The following MVB12A variants were observed in gnomAD, a reference collection of about 807,000 sequenced individuals.
The protein encoded by MVB12A is CIN85/CD2AP family binding protein.
In MVB12A, 30 loss-of-function variants were observed where a neutral mutation model predicts 34.3. The observed-to-expected ratio is 0.88, with a 90% confidence interval of 0.65 to 1.19. The LOEUF (loss-of-function observed/expected upper bound fraction) is 1.19. Among genes scored for constraint, MVB12A ranks in the 50% most tolerant of loss-of-function variants. The probability of loss-of-function intolerance (pLI) is 0.00; values close to 1 mark genes in which losing one functional copy is unlikely to be tolerated. For missense variants in MVB12A, 355 were observed against 369.2 expected (o/e 0.96, Z 0.31); for synonymous variants, 158 against 158.9 (o/e 0.99, Z 0.04).
intron 2 of MVB12A, chr19:17,414,936 C>T (rs2074789752): frequency 6.6e-6 from 1 of 152,142 alleles, no homozygotes; most frequent in Non-Finnish European, 1.5e-5. Context: ...CCCTTGTAAT[C>T]CCAGCACTTT....
chr19:17,418,382 T>TTAG (rs2074815212), upstream of MVB12A: 1 of 141,006 alleles, frequency 7.1e-6, no homozygotes, highest in Non-Finnish European at 1.5e-5. Context: ...AAGCATATTA[T>TTAG]TATTATTATT....
chr19:17,422,476 T>G lies in MVB12A; in HGVS notation c.413+18T>G. On this transcript the variant is annotated intron_variant, in intron 4 of 8. Coordinates refer to ENST00000317040, the MANE Select transcript of MVB12A (RefSeq NM_138401.4). ...CGAATAGGGTAGGGCCACCCCCCAG[T>G]GTCTAGCCACCTTCCCTGCCCTCCC... The G allele has an allele frequency of 6.3e-7, 1 of 1,595,476 alleles. No homozygotes were observed. The highest frequency in any genetic ancestry group is 8.6e-7 in the Non-Finnish European group (1 of 1,168,782).
chr19:17,425,112 T>C lies in MVB12A; in HGVS notation c.*119T>C. 1.6e-6 allele frequency: 1 copy of C among 642,876 alleles called. No homozygotes were observed. Among genetic ancestry groups the C allele is most frequent in the Non-Finnish European group, 2.8e-6 (1 of 362,868 alleles). The allele number at this position is 642,876 out of a possible 1,614,324, so 39.8% of individuals were successfully genotyped here. On this transcript the variant is annotated 3_prime_UTR_variant, in exon 9 of 9. Transcript: ENST00000317040. ...CACTGCATCCTGGGAACCTTCGCCCTGCAAGGCGTTTGCTATCTTCAGCCA... is the reference window on the plus strand; with the variant it reads ...CACTGCATCCTGGGAACCTTCGCCCCGCAAGGCGTTTGCTATCTTCAGCCA...
At chr19:17,409,853 G>A (rs2074753288) in intron 2 of MVB12A, among the ~76,000 whole-genome samples, 1 of 151,906 alleles carries the variant, frequency 6.6e-6, no homozygotes, top group Non-Finnish European at 1.5e-5. Context: ...CCGCCTCCTG[G>A]GTTCAAGCAA....
chr19:17,406,956 C>T (rs757723360), intron 2 of MVB12A, among the ~76,000 whole-genome samples: 3 of 152,152 alleles, frequency 2.0e-5, no homozygotes, highest in Non-Finnish European at 4.4e-5. Context: ...AAAGACACGA[C>T]CTTTGCCTGA....
upstream of MVB12A, chr19:17,415,419 A>G (rs1410048318): frequency 1.3e-5 from 2 of 152,260 alleles, no homozygotes; most frequent in East Asian, 1.9e-4. Flanking sequence ...GCTCAAAAGC[A>G]TAACAACATA....
intron 2 of MVB12A, among the ~76,000 whole-genome samples, chr19:17,409,115 C>T (rs1383816965): frequency 1.3e-5 from 2 of 151,556 alleles, no homozygotes; most frequent in African/African-American, 4.8e-5. Context: ...AAGCGTGAGC[C>T]ACCGTGCCCG....
rs756470549 is a variant in MVB12A at position 17,424,031 on chromosome 19, C to G, written c.666C>G (p.Leu222=). The G allele has an allele frequency of 4.3e-6, 7 of 1,614,044 alleles. No individual in the cohort carries two copies. The African/African-American group carries it at 8.0e-5, about 18-fold the overall frequency. Residue 222 remains leucine (L), a synonymous_variant, in exon 7 of 9, where the codon CTC becomes CTG. Transcript: ENST00000317040. ...ISAMDGVPFT[L]HPRFEGKSCS... is the part of the protein sequence containing the mutation. Reference sequence around the variant, plus strand: ...CCATGGATGGGGTTCCCTTCACACTCCACCCACGATTTGAGGGCAAGAGCT... The same window carrying G: ...CCATGGATGGGGTTCCCTTCACACTGCACCCACGATTTGAGGGCAAGAGCT...
chr19:17,423,869 G>A, intron 6 of MVB12A, 70 bp downstream of exon 6: 2 of 1,575,670 alleles, frequency 1.3e-6, no homozygotes, highest in Non-Finnish European at 1.7e-6. Flanking sequence ...ACACAACCAG[G>A]AAGGATCTTC....
At chr19:17,423,978 A>ACCTCCTCC in intron 6 of MVB12A, 28 bp from the exon 7 acceptor site, 1 of 1,612,484 alleles carries the variant, frequency 6.2e-7, no homozygotes, top group Non-Finnish European at 8.5e-7. Context: ...CCTACACCTC[A>ACCTCCTCC]CCTCCTCCCC....
chr19:17,422,626 T>C, intron 4 of MVB12A, 168 bp downstream of exon 4: 1 of 560,016 alleles, frequency 1.8e-6, no homozygotes, highest in Non-Finnish European at 2.9e-6. Context: ...TGTAGGACTG[T>C]CATTAGGAGT....
intron 2 of MVB12A, among the ~76,000 whole-genome samples, chr19:17,409,833 C>A (rs1212642433): frequency 6.6e-6 from 1 of 151,262 alleles, no homozygotes; most frequent in East Asian, 2.0e-4. Flanking sequence ...CTCACTGCAA[C>A]CTCTGACCTC....
intron 2 of MVB12A, among the ~76,000 whole-genome samples, chr19:17,407,780 G>C (rs1240766346): frequency 6.6e-6 from 1 of 152,174 alleles, no homozygotes; most frequent in Non-Finnish European, 1.5e-5. Flanking sequence ...AGAGGTGGAG[G>C]AGCAGAGTCT....
chr19:17,412,340 C>T lies in MVB12A; in HGVS notation c.-5+6044C>T, dbSNP rs1271620125. On this transcript the variant is annotated intron_variant, in intron 2 of 6. Transcript: ENST00000528604. ...GGAGTGCAGTAATGCAGTCTTGGCTCTCTGCAACCTCTGTCTCCCTGGTTC... is the reference window on the plus strand; with the variant it reads ...GGAGTGCAGTAATGCAGTCTTGGCTTTCTGCAACCTCTGTCTCCCTGGTTC... 3.3e-5 allele frequency among the ~76,000 whole-genome samples: 5 copies of T among 152,288 alleles called. No homozygotes were observed. In the East Asian group the frequency reaches 5.8e-4, roughly 18 times the overall value.
chr19:17,420,015 GCCC>G (rs201855095), upstream of MVB12A: 574 of 225,144 alleles, frequency 2.5e-3, 55 homozygotes, highest in African/African-American at 0.014. Context: ...GGCAATCTCC[GCCC>G]CCCCCCCCCG....
At chr19:17,409,844 C>T (rs1213955539) in intron 2 of MVB12A, among the ~76,000 whole-genome samples, 9 of 150,710 alleles carry the variant, frequency 6.0e-5, no homozygotes, top group South Asian at 2.1e-4. Flanking sequence ...CTCTGACCTC[C>T]GCCTCCTGGG....
At chr19:17,424,197 A>G in intron 7 of MVB12A, 130 bp downstream of exon 7, 3 of 873,366 alleles carry the variant, frequency 3.4e-6, no homozygotes, top group Admixed American at 2.2e-5. Context: ...TGTCACCTCC[A>G]GGTGGCAGCT....
At chr19:17,424,119 G>T in intron 7 of MVB12A, 52 bp downstream of exon 7, 1 of 1,563,860 alleles carries the variant, frequency 6.4e-7, no homozygotes, top group South Asian at 1.1e-5. Flanking sequence ...CACCATTCTG[G>T]GTGCCAGGAC....
At position 17,424,030 on chromosome 19, in the gene MVB12A, T is replaced by A; in HGVS notation, c.665T>A (p.Leu222His). The change falls in exon 7 of 9, where the codon CTC (leucine) becomes CAC (histidine). Residue 222 changes from leucine to histidine, a missense_variant. Leu to His is a moderately conservative substitution (Grantham distance 99, BLOSUM62 -3). Transcript: ENST00000317040. ...ISAMDGVPFT[L>H]HPRFEGKSCS... Reference sequence around the variant, plus strand: ...GCCATGGATGGGGTTCCCTTCACACTCCACCCACGATTTGAGGGCAAGAGC... The same window carrying A: ...GCCATGGATGGGGTTCCCTTCACACACCACCCACGATTTGAGGGCAAGAGC... The A allele has an allele frequency of 1.9e-6, 3 of 1,614,036 alleles. No homozygotes were observed. Among genetic ancestry groups the A allele is most frequent in the Non-Finnish European group, 2.5e-6 (3 of 1,179,990 alleles).
Sources: allele counts gnomAD v4.1 joint callset (sites outside exome capture counted in the v4.1 genomes callset), GRCh38; gene constraint gnomAD v4.1.1; transcripts MANE v1.5; gene names NCBI Gene and HGNC (gene_info 2026-07-23, HGNC 2026-07-21).